OC90: variants seen among roughly 807,000 people sequenced by gnomAD.
OC90 encodes otoconin-90.
OC90 carries 46 observed loss-of-function variants against 47.3 expected under a neutral mutation model. The ratio of observed to expected loss-of-function variants is 0.97; its 90% CI spans 0.77 to 1.24. OC90 has a LOEUF of 1.24. Among genes scored for constraint, OC90 ranks in the 50% most tolerant of loss-of-function variants. OC90 has a pLI of 0.00. For synonymous variants in OC90, 271 were observed against 219.5 expected (o/e 1.23, Z -2.07); for missense variants, 688 against 583.9 (o/e 1.18, Z -1.84).
Position 132,041,132 on chromosome 8 carries a change from G to C in OC90, c.369C>G (p.Cys123Trp). 1 of 1,613,596 alleles carries C rather than the reference G, an allele frequency of 6.2e-7. No homozygotes were observed. The highest frequency in any genetic ancestry group is 8.5e-7 in the Non-Finnish European group (1 of 1,179,530). ...SDSCCFQHRR[C>W]YEEAAEMDCL... is the part of the protein sequence containing the mutation. ...AGTCCATCTCAGCGGCCTCCTCATA[G>C]CACCTGCGGTGCTGGAAGCAGCAGC... The change falls in exon 6 of 14, where the codon TGC becomes TGG. Residue 123 changes from cysteine to tryptophan, a missense_variant. Physicochemically the swap from Cys to Trp is radical, Grantham distance 215. Coordinates refer to ENST00000254627, the MANE Select transcript of OC90 (RefSeq NM_001080399.3).
chr8:132,036,167 C>T (rs1001601550), intron 9 of OC90, among the ~76,000 whole-genome samples: 5 of 152,202 alleles, frequency 3.3e-5, no homozygotes, highest in African/African-American at 9.6e-5. Flanking sequence ...GCTTGGAGAA[C>T]AGCCCAAGTT....
At chr8:132,058,421 G>A (rs908483850) in intron 1 of OC90, among the ~76,000 whole-genome samples, 31 of 152,122 alleles carry the variant, frequency 2.0e-4, no homozygotes, top group African/African-American at 6.8e-4. Context: ...CCGAAGCCTC[G>A]CCTTGGTCTG....
rs569602189 is a variant in OC90 at position 132,052,307 on chromosome 8, G to A, written c.46+2674C>T. ...GTCACAAAGCTCATGTACTTGCTCTGGCACATTTTTCACTGGGCATAATTG... is the reference window on the plus strand; with the variant it reads ...GTCACAAAGCTCATGTACTTGCTCTAGCACATTTTTCACTGGGCATAATTG... On this transcript the variant is annotated intron_variant, in intron 2 of 13. Coordinates refer to ENST00000254627, the MANE Select transcript of OC90 (RefSeq NM_001080399.3). 2.6e-5 allele frequency among the ~76,000 whole-genome samples: 4 copies of A among 152,274 alleles called. No homozygotes were observed. In the South Asian group the frequency reaches 6.2e-4, roughly 24 times the overall value.
In OC90 at chr8:132,041,119, C is replaced by A; in HGVS notation, c.382G>T (p.Ala128Ser). ...FQHRRCYEEA[A>S]EMDCLQDPAK... Reference sequence around the variant, plus strand: ...GGGTCTTGGAGACAGTCCATCTCAGCGGCCTCCTCATAGCACCTGCGGTGC... The same window carrying A: ...GGGTCTTGGAGACAGTCCATCTCAGAGGCCTCCTCATAGCACCTGCGGTGC... The change falls in exon 6 of 14, where the codon GCT becomes TCT. Residue 128 changes from alanine to serine, a missense_variant. By Grantham distance (99) the Ala-to-Ser change is moderately conservative. Coordinates refer to ENST00000254627, the MANE Select transcript of OC90 (RefSeq NM_001080399.3). 6.2e-7 allele frequency: 1 copy of A among 1,613,784 alleles called. No individual in the cohort carries two copies. The highest frequency in any genetic ancestry group is 8.5e-7 in the Non-Finnish European group (1 of 1,179,702).
intron 13 of OC90, among the ~76,000 whole-genome samples, chr8:132,027,542 G>A (rs894200751): frequency 6.6e-6 from 1 of 152,178 alleles, no homozygotes; most frequent in African/African-American, 2.4e-5. Context: ...GAAATTCTAG[G>A]GCAAGTCTTT....
chr8:132,050,049 C>T (rs1823191672), intron 2 of OC90, among the ~76,000 whole-genome samples: 1 of 152,144 alleles, frequency 6.6e-6, no homozygotes, highest in African/African-American at 2.4e-5. Flanking sequence ...TTACCTCTAC[C>T]ATTGTGTCAC....
rs749327366 is a variant in OC90, at chr8:132,038,787, T to A, written c.628+3A>T. ...AAGAGCCACCAACCCTGGGAGGCCT[T>A]ACCTCTGGGCAGAAGTGTTGTCAAG... On this transcript the variant is annotated splice_donor_region_variant and intron_variant, in intron 8 of 13. Transcript: ENST00000254627. 1 of 1,613,438 alleles carries A rather than the reference T, an allele frequency of 6.2e-7. No homozygotes were observed. Among genetic ancestry groups the A allele is most frequent in the Non-Finnish European group, 8.5e-7 (1 of 1,179,524 alleles).
intron 4 of OC90, among the ~76,000 whole-genome samples, chr8:132,042,708 C>A (rs553060590): frequency 6.6e-6 from 1 of 152,008 alleles, no homozygotes; most frequent in African/African-American, 2.4e-5. Flanking sequence ...AAATCCAAAC[C>A]ACAACGAGAC....
At chr8:132,032,141 G>A (rs1341726719) in intron 11 of OC90, 89 bp from the exon 12 acceptor site, 1 of 1,206,394 alleles carries the variant, frequency 8.3e-7, no homozygotes, top group Non-Finnish European at 1.2e-6. Context: ...GGTTGTATGT[G>A]GACAACTCTA....
intron 8 of OC90, 31 bp downstream of exon 8, chr8:132,038,759 T>G: frequency 6.3e-7 from 1 of 1,594,548 alleles, no homozygotes. Flanking sequence ...GCCCTTGTGG[T>G]TCAAGAGCCA....
intron 9 of OC90, chr8:132,036,346 C>T (rs1472571): frequency 0.38 from 299,257 of 780,024 alleles, 59,931 homozygotes; most frequent in Admixed American, 0.52. Flanking sequence ...CCAGGCTGTC[C>T]TTTTCCAAAT....
At chr8:132,039,830 C>T (rs556915514) in intron 6 of OC90, among the ~76,000 whole-genome samples, 1 of 152,270 alleles carries the variant, frequency 6.6e-6, no homozygotes, top group Non-Finnish European at 1.5e-5. Flanking sequence ...TTTAAGTCAT[C>T]CTCAACCCTC....
Position 132,038,821 on chromosome 8 carries a change from G to A in OC90, c.597C>T (p.Ile199=), listed in dbSNP as rs374731958. The change falls in exon 8 of 14, where the codon ATC becomes ATT. Residue 199 remains isoleucine (I), a synonymous_variant. Transcript: ENST00000254627. ...GCAGAAGTGTTGTCAAGTCTTCCTT[G>A]ATGGTTGTCTCTGAAAAGAAAACAC... ...FCLAQTPETT[I]KEDLTTLLPR... 1 of 1,613,886 alleles carries A rather than the reference G, an allele frequency of 6.2e-7. No individual in the cohort carries two copies. Among genetic ancestry groups the A allele is most frequent in the Non-Finnish European group, 8.5e-7 (1 of 1,179,826 alleles).
At chr8:132,047,142 T>C (rs1451980230) in intron 2 of OC90, among the ~76,000 whole-genome samples, 1 of 152,178 alleles carries the variant, frequency 6.6e-6, no homozygotes, top group Non-Finnish European at 1.5e-5. Flanking sequence ...GCTCGCCAAG[T>C]CCTTCCTAGT....
intron 3 of OC90, among the ~76,000 whole-genome samples, chr8:132,045,172 A>G (rs1343331634): frequency 6.6e-6 from 1 of 152,186 alleles, no homozygotes; most frequent in Non-Finnish European, 1.5e-5. Context: ...TGCCATTTGG[A>G]GGGAGGCCAC....
At chr8:132,038,897 T>C in intron 7 of OC90, 66 bp from the exon 8 acceptor site, 1 of 1,599,654 alleles carries the variant, frequency 6.3e-7, no homozygotes, top group South Asian at 1.1e-5. Context: ...TTGAAGATGC[T>C]GGACTTGGCA....
intron 1 of OC90, among the ~76,000 whole-genome samples, chr8:132,058,501 T>G (rs1464348164): frequency 2.0e-5 from 3 of 152,166 alleles, no homozygotes; most frequent in Non-Finnish European, 1.5e-5. Context: ...GCATAGCCAG[T>G]GTCTGAGCCC....
rs999165728 is a variant in OC90, at chr8:132,054,209, G to T, written c.46+772C>A. ...AGGGCATGTAGGTATACCACAGTGG[G>T]CAAGGCTCCTGGGGCACACAGGACT... is the stretch of plus-strand genomic sequence containing the variant. On this transcript the variant is annotated intron_variant, in intron 2 of 13. Transcript: ENST00000254627. 6.6e-5 allele frequency among the ~76,000 whole-genome samples: 10 copies of T among 152,294 alleles called. No homozygotes were observed. In the East Asian group the frequency reaches 1.9e-3, roughly 29 times the overall value.
intron 2 of OC90, among the ~76,000 whole-genome samples, chr8:132,053,608 CA>C (rs2130865101): frequency 6.6e-6 from 1 of 152,310 alleles, no homozygotes; most frequent in Non-Finnish European, 1.5e-5. Context: ...CAGGATTGCA[CA>C]AAACCCACCT....
Sources: gnomAD v4.1 joint callset for allele counts (sites outside exome capture counted in the v4.1 genomes callset) on GRCh38, gnomAD v4.1.1 for gene constraint, MANE v1.5 for transcripts, NCBI Gene and HGNC (gene_info 2026-07-23, HGNC 2026-07-21) for gene names.